The following DGKB variants were observed in gnomAD, a reference collection of about 807,000 sequenced individuals.
DGKB encodes diacylglycerol kinase beta, also known as 90 kDa diacylglycerol kinase.
In DGKB, 67 loss-of-function variants were observed where a neutral mutation model predicts 114.3. The ratio of observed to expected loss-of-function variants is 0.59; its 90% CI spans 0.48 to 0.72. The LOEUF is 0.72. Ranked by LOEUF, DGKB falls within the 30% of genes least tolerant of loss-of-function variation. The pLI is 0.00. For synonymous variants in DGKB, 398 were observed against 323.1 expected (o/e 1.23, Z -2.49); for missense variants, 907 against 975.2 (o/e 0.93, Z 0.93).
At chr7:14,441,574 C>T (rs1316084944) in intron 21 of DGKB, among the ~76,000 whole-genome samples, 1 of 151,880 alleles carries the variant, frequency 6.6e-6, no homozygotes, top group Non-Finnish European at 1.5e-5. Flanking sequence ...AATTGTTCTC[C>T]TATATATTTT....
At chr7:14,843,031 G>A (rs190206683) in intron 1 of DGKB, among the ~76,000 whole-genome samples, 36 of 152,040 alleles carry the variant, frequency 2.4e-4, no homozygotes, top group Middle Eastern at 6.8e-3. Context: ...AACATAACGA[G>A]ACCCCATCTC....
At chr7:14,944,458 G>T (rs958554285) in intron 1 of DGKB, among the ~76,000 whole-genome samples, 2 of 151,806 alleles carry the variant, frequency 1.3e-5, no homozygotes, top group African/African-American at 2.4e-5. Flanking sequence ...AAAATTAGAA[G>T]TTCATAATCA....
At chr7:14,224,980 G>C (rs1384488570) in intron 23 of DGKB, among the ~76,000 whole-genome samples, 1 of 151,990 alleles carries the variant, frequency 6.6e-6, no homozygotes, top group Non-Finnish European at 1.5e-5. Flanking sequence ...ATGTTTTGAA[G>C]TTAGGAGGAC....
rs1811080468 is a variant in DGKB at position 14,338,524 on chromosome 7, C to G, written c.2113G>C (p.Ala705Pro). Residue 705 changes from alanine (A) to proline (P), a missense_variant, in exon 23 of 26, where the codon GCA (alanine) becomes CCA (proline). Ala to Pro is a conservative substitution (Grantham distance 27). Coordinates refer to ENST00000402815, the MANE Select transcript of DGKB (RefSeq NM_001350709.2). The part of the protein sequence containing the change: ...TVTDAKELKF[A>P]SQDLSDQLLE... ...TTGTTAGAAAACTGACCTTGACTTG[C>G]AAACTTCAACTCTTTGGCATCTGTG... 6.4e-7 allele frequency: 1 copy of G among 1,555,806 alleles called. No individual in the cohort carries two copies. Among genetic ancestry groups the G allele is most frequent in the African/African-American group, 1.4e-5 (1 of 71,754 alleles).
intron 1 of DGKB, among the ~76,000 whole-genome samples, chr7:14,844,368 T>A (rs1481456044): frequency 6.6e-6 from 1 of 152,168 alleles, no homozygotes; most frequent in Non-Finnish European, 1.5e-5. Context: ...AGCAAATAAC[T>A]AATCAGGGAA....
At chr7:14,713,348 T>C (rs946256289) in intron 6 of DGKB, among the ~76,000 whole-genome samples, 5 of 152,100 alleles carry the variant, frequency 3.3e-5, no homozygotes, top group African/African-American at 1.2e-4. Context: ...GAAAAGGCAC[T>C]TAAGCTGGAA....
intron 13 of DGKB, 136 bp downstream of exon 13, chr7:14,672,793 G>C: frequency 2.1e-6 from 1 of 478,708 alleles, no homozygotes; most frequent in Admixed American, 3.6e-5. Flanking sequence ...TTCTGTTTCA[G>C]AGTAACGACG....
rs1053199085 is a variant in DGKB at position 14,289,492 on chromosome 7, T to A, written c.2122+49023A>T. ...TCTTGTTTAAAAAATAAGCATAACA[T>A]TTACACATTCTATTTAGAAGATGAT... On this transcript the variant is annotated intron_variant, in intron 23 of 25. Transcript: ENST00000402815. 2.0e-5 allele frequency among the ~76,000 whole-genome samples: 3 copies of A among 152,162 alleles called. 1 individual carries two copies. Among genetic ancestry groups the A allele is most frequent in the Non-Finnish European group, 4.4e-5 (3 of 68,028 alleles).
At chr7:14,339,837 C>T (rs1009697225) in intron 22 of DGKB, among the ~76,000 whole-genome samples, 1 of 151,744 alleles carries the variant, frequency 6.6e-6, no homozygotes, top group African/African-American at 2.4e-5. Flanking sequence ...GTTTCATTTG[C>T]CATGTCTTAG....
chr7:14,332,927 A>T (rs1206465983), intron 23 of DGKB, among the ~76,000 whole-genome samples: 2 of 152,188 alleles, frequency 1.3e-5, no homozygotes, highest in African/African-American at 4.8e-5. Context: ...ACAGTCACCT[A>T]TTAATGAGGT....
chr7:14,769,176 GA>G, intron 2 of DGKB, among the ~76,000 whole-genome samples: 2 of 126,696 alleles, frequency 1.6e-5, no homozygotes, highest in African/African-American at 7.0e-5. Context: ...GGGAAGGAAA[GA>G]GAAAGGAAAG....
intron 21 of DGKB, among the ~76,000 whole-genome samples, chr7:14,424,088 C>T (rs1827139068): frequency 6.6e-6 from 1 of 152,048 alleles, no homozygotes; most frequent in Non-Finnish European, 1.5e-5. Flanking sequence ...CATTTAAATC[C>T]TTACTCTCTA....
chr7:14,334,810 G>A (rs1411065904), intron 23 of DGKB, among the ~76,000 whole-genome samples: 1 of 152,078 alleles, frequency 6.6e-6, no homozygotes, highest in Non-Finnish European at 1.5e-5. Flanking sequence ...GATGAACTCA[G>A]CTACTGAAAG....
At chr7:14,495,252 G>T (rs1237096813) in intron 20 of DGKB, among the ~76,000 whole-genome samples, 1 of 151,558 alleles carries the variant, frequency 6.6e-6, no homozygotes, top group Non-Finnish European at 1.5e-5. Flanking sequence ...TCAACAAATG[G>T]CTCTTTTAAA....
chr7:14,149,098 T>A lies in DGKB; in HGVS notation c.*33A>T. On this transcript the variant is annotated 3_prime_UTR_variant, in exon 26 of 26. Transcript: ENST00000402815. ...TATGTGTTCCATGGCCCAATTATGCTAATTCAATTTCTAAGAGTGAAACAA... is the reference window on the plus strand; with the variant it reads ...TATGTGTTCCATGGCCCAATTATGCAAATTCAATTTCTAAGAGTGAAACAA... 6.4e-7 allele frequency: 1 copy of A among 1,567,340 alleles called. No homozygotes were observed.
intron 23 of DGKB, among the ~76,000 whole-genome samples, chr7:14,289,744 C>CAAAAAAA (rs3067647): frequency 2.4e-5 from 3 of 126,808 alleles, no homozygotes; most frequent in African/African-American, 2.9e-5. Context: ...AGACATGGAC[C>CAAAAAAA]AAAAAAAAAA....
At chr7:14,791,616 G>C (rs566398519) in intron 2 of DGKB, among the ~76,000 whole-genome samples, 1 of 152,000 alleles carries the variant, frequency 6.6e-6, no homozygotes, top group African/African-American at 2.4e-5. Flanking sequence ...GAGAAGTTTT[G>C]TTTCTTGTTA....
intron 5 of DGKB, among the ~76,000 whole-genome samples, chr7:14,722,846 TCA>T (rs932435691): frequency 3.3e-5 from 5 of 151,576 alleles, no homozygotes; most frequent in Admixed American, 6.6e-5. Context: ...ATAAAAAAAC[TCA>T]CAGATTTATT....
intron 2 of DGKB, among the ~76,000 whole-genome samples, chr7:14,763,802 T>G (rs1030305048): frequency 6.6e-6 from 1 of 152,072 alleles, no homozygotes; most frequent in Non-Finnish European, 1.5e-5. Flanking sequence ...ACAAAATGCA[T>G]TTGTCATTTT....
Sources: gnomAD v4.1 joint callset for allele counts (sites outside exome capture counted in the v4.1 genomes callset) on GRCh38, gnomAD v4.1.1 for gene constraint, MANE v1.5 for transcripts, NCBI Gene and HGNC (gene_info 2026-07-23, HGNC 2026-07-21) for gene names.